PTPRD: variants seen among roughly 807,000 people sequenced by gnomAD.
PTPRD encodes the protein receptor-type tyrosine-protein phosphatase delta.
In PTPRD, 34 loss-of-function variants were observed where a neutral mutation model predicts 214.5. That is an observed-to-expected ratio of 0.16 (90% confidence interval 0.12 to 0.21). The LOEUF (loss-of-function observed/expected upper bound fraction) is 0.21, where lower values mean the gene tolerates loss of function less well. Among genes scored for constraint, PTPRD ranks in the 10% least tolerant of loss-of-function variants. The pLI, the probability that PTPRD is intolerant of heterozygous loss-of-function variation, is 1.00. For synonymous variants in PTPRD, 1,128 were observed against 845.7 expected, an observed-to-expected ratio of 1.33 and a Z score of -5.79; for missense variants, 2,545 against 2,398.7, an observed-to-expected ratio of 1.06 and a Z score of -1.27.
chr9:10,279,241 A>G (rs939367913), intron 3 of PTPRD, among the ~76,000 whole-genome samples: 2 of 152,214 alleles, frequency 1.3e-5, no homozygotes, highest in Non-Finnish European at 2.9e-5. Context: ...CATATAGCAG[A>G]GCTTAACTGA....
At chr9:8,635,699 TC>T (rs2096408425) in intron 13 of PTPRD, among the ~76,000 whole-genome samples, 1 of 152,110 alleles carries the variant, frequency 6.6e-6, no homozygotes, top group Admixed American at 6.6e-5. Context: ...GTAAATTAGG[TC>T]ATGAAGGAGA....
At chr9:9,270,336 A>C (rs1942308995) in intron 9 of PTPRD, among the ~76,000 whole-genome samples, 1 of 151,418 alleles carries the variant, frequency 6.6e-6, no homozygotes, top group Non-Finnish European at 1.5e-5. Context: ...AGAACATGAA[A>C]ATATTTAGAC....
At chr9:8,552,850 C>T (rs1394064551) in intron 14 of PTPRD, among the ~76,000 whole-genome samples, 3 of 152,178 alleles carry the variant, frequency 2.0e-5, no homozygotes, top group African/African-American at 7.2e-5. Flanking sequence ...TGGCAAGTCA[C>T]TAGCACTGGG....
intron 11 of PTPRD, among the ~76,000 whole-genome samples, chr9:8,870,681 A>T (rs966970346): frequency 1.2e-5 from 1 of 80,962 alleles, no homozygotes; most frequent in Non-Finnish European, 2.5e-5. Context: ...TAAGACACAG[A>T]CATGAAACAC....
chr9:9,300,416 C>T (rs1954824838), intron 9 of PTPRD, among the ~76,000 whole-genome samples: 1 of 151,802 alleles, frequency 6.6e-6, no homozygotes, highest in South Asian at 2.1e-4. Flanking sequence ...TAGACAGCGC[C>T]TCTTCATCAT....
At chr9:9,418,824 G>A (rs1197625107) in intron 8 of PTPRD, among the ~76,000 whole-genome samples, 2 of 151,896 alleles carry the variant, frequency 1.3e-5, no homozygotes, top group Non-Finnish European at 1.5e-5. Flanking sequence ...AACCAGACTG[G>A]TTTAAGAGTA....
intron 11 of PTPRD, among the ~76,000 whole-genome samples, chr9:8,982,878 CATT>C (rs2099320490): frequency 6.6e-6 from 1 of 151,984 alleles, no homozygotes; most frequent in South Asian, 2.1e-4. Flanking sequence ...ACCCAGCAAA[CATT>C]ATGTTTTTGG....
chr9:10,289,128 G>T (rs1053566630), intron 3 of PTPRD, among the ~76,000 whole-genome samples: 2 of 151,022 alleles, frequency 1.3e-5, no homozygotes, highest in East Asian at 1.9e-4. Flanking sequence ...ATGAGTATAA[G>T]AGTCTATGCT....
intron 12 of PTPRD, among the ~76,000 whole-genome samples, chr9:8,681,306 T>C (rs1044507132): frequency 6.6e-6 from 1 of 151,972 alleles, no homozygotes; most frequent in Non-Finnish European, 1.5e-5. Flanking sequence ...TTAAAGAACA[T>C]GCTTACTAAT....
chr9:8,671,047 A>G (rs536481425), intron 12 of PTPRD, among the ~76,000 whole-genome samples: 11 of 152,306 alleles, frequency 7.2e-5, no homozygotes, highest in Non-Finnish European at 1.2e-4. Context: ...TACTGTGGCA[A>G]TAGAGACATT....
chr9:9,109,971 T>TG (rs1000350708), intron 10 of PTPRD, among the ~76,000 whole-genome samples: 2 of 151,970 alleles, frequency 1.3e-5, no homozygotes, highest in Non-Finnish European at 2.9e-5. Flanking sequence ...GAGGTAGATC[T>TG]GGGGGTACTC....
At chr9:8,778,079 C>T (rs2154492046) in intron 11 of PTPRD, among the ~76,000 whole-genome samples, 1 of 152,296 alleles carries the variant, frequency 6.6e-6, no homozygotes, top group South Asian at 2.1e-4. Context: ...ACTACTGTTG[C>T]TCTGTGGTAA....
At chr9:10,353,544 T>C (rs551906239) in intron 2 of PTPRD, among the ~76,000 whole-genome samples, 4 of 151,892 alleles carry the variant, frequency 2.6e-5, no homozygotes, top group African/African-American at 7.2e-5. Context: ...AAGAGAGGAT[T>C]TGGAGGTATA....
intron 5 of PTPRD, among the ~76,000 whole-genome samples, chr9:9,849,969 G>A (rs1314439133): frequency 6.6e-6 from 1 of 152,102 alleles, no homozygotes; most frequent in Non-Finnish European, 1.5e-5. Context: ...TCAAGATAAT[G>A]TGAAAATAAA....
At position 9,615,418 on chromosome 9, in the gene PTPRD, A is replaced by G. The variant is rs576427671; in HGVS notation, c.-286-40637T>C. Among the ~76,000 whole-genome samples the G allele has an allele frequency of 2.8e-4, 42 of 152,318 alleles. No individual in the cohort carries two copies. In the South Asian group the frequency reaches 8.7e-3, roughly 32 times the overall value. ...ACAGCTCCAGCCCGGCCAAACCAGTAAACATCTCTGCTCTCCATTACCAAA... is the reference window on the plus strand; with the variant it reads ...ACAGCTCCAGCCCGGCCAAACCAGTGAACATCTCTGCTCTCCATTACCAAA... On this transcript the variant is annotated intron_variant, in intron 7 of 45. Coordinates refer to ENST00000381196, the MANE Select transcript of PTPRD (RefSeq NM_002839.4).
At chr9:9,770,025 T>A (rs113455394) in intron 5 of PTPRD, among the ~76,000 whole-genome samples, 5 of 152,338 alleles carry the variant, frequency 3.3e-5, no homozygotes, top group African/African-American at 1.2e-4. Context: ...GCATTTGGGT[T>A]GGTCCCAAGT....
intron 3 of PTPRD, among the ~76,000 whole-genome samples, chr9:10,068,161 G>C (rs1335725540): frequency 3.3e-5 from 5 of 151,858 alleles, no homozygotes; most frequent in Non-Finnish European, 7.4e-5. Context: ...TTACAAGAAA[G>C]ACAACTGGTT....
At chr9:8,374,053 C>G (rs1487698128) in intron 39 of PTPRD, among the ~76,000 whole-genome samples, 2 of 151,006 alleles carry the variant, frequency 1.3e-5, no homozygotes, top group East Asian at 4.0e-4. Flanking sequence ...AGTGAAAACT[C>G]CCAAATTATG....
chr9:8,698,953 A>C (rs3817203), intron 12 of PTPRD, among the ~76,000 whole-genome samples: 82 of 152,258 alleles, frequency 5.4e-4, no homozygotes, highest in Non-Finnish European at 7.5e-4. Flanking sequence ...TAATAATATT[A>C]GAAGCACTCT....
Sources: allele counts gnomAD v4.1 joint callset (sites outside exome capture counted in the v4.1 genomes callset), GRCh38; gene constraint gnomAD v4.1.1; transcripts MANE v1.5; gene names NCBI Gene and HGNC (gene_info 2026-07-23, HGNC 2026-07-21).